Variants in WLS observed in about 807,000 individuals in gnomAD.
The protein encoded by WLS is Wnt ligand secretion mediator.
A neutral mutation model predicts 62.8 loss-of-function variants in WLS; 23 were observed. The ratio of observed to expected loss-of-function variants is 0.37; its 90% CI spans 0.26 to 0.52. WLS has a LOEUF of 0.52. Ranked by LOEUF, WLS falls within the 20% of genes least tolerant of loss-of-function variation. WLS has a pLI of 0.92. For missense variants in WLS, 615 were observed against 697.3 expected, an observed-to-expected ratio of 0.88 and a Z score of 1.33; for synonymous variants, 246 against 244.1, an observed-to-expected ratio of 1.01 and a Z score of -0.07.
At chr1:68,178,791 C>G (rs997325454) in intron 2 of WLS, among the ~76,000 whole-genome samples, 3 of 151,658 alleles carry the variant, frequency 2.0e-5, no homozygotes, top group Non-Finnish European at 2.9e-5. Context: ...AGAATAAGGA[C>G]TTATCTTTAT....
intron 11 of WLS, among the ~76,000 whole-genome samples, chr1:68,110,151 G>T (rs1001385646): frequency 2.6e-5 from 4 of 151,250 alleles, no homozygotes; most frequent in Non-Finnish European, 4.4e-5. Flanking sequence ...AAAAGTGAAG[G>T]TATAAATATG....
At chr1:68,174,581 G>T (rs993918251) in intron 2 of WLS, among the ~76,000 whole-genome samples, 4 of 152,192 alleles carry the variant, frequency 2.6e-5, no homozygotes, top group African/African-American at 7.2e-5. Flanking sequence ...AGCTGCGGAA[G>T]AACTCTGCTG....
chr1:68,177,810 T>C (rs1307925416), intron 2 of WLS, among the ~76,000 whole-genome samples: 1 of 152,184 alleles, frequency 6.6e-6, no homozygotes. Flanking sequence ...TCACTTATAT[T>C]GAGCATTTAC....
At chr1:68,135,442 A>G (rs1646594482) in intron 11 of WLS, among the ~76,000 whole-genome samples, 1 of 150,270 alleles carries the variant, frequency 6.7e-6, no homozygotes, top group African/African-American at 2.5e-5. Context: ...GAGCCATTGC[A>G]CCCAGGCTAA....
chr1:68,130,376 A>T (rs1646501007), intron 11 of WLS, among the ~76,000 whole-genome samples: 2 of 152,220 alleles, frequency 1.3e-5, no homozygotes, highest in Non-Finnish European at 2.9e-5. Flanking sequence ...GGGAGCTCCC[A>T]TACCATGAGT....
intron 1 of WLS, among the ~76,000 whole-genome samples, chr1:68,206,258 G>C (rs1201660730): frequency 6.6e-6 from 1 of 152,212 alleles, no homozygotes; most frequent in Non-Finnish European, 1.5e-5. Flanking sequence ...GGGGGGTTTA[G>C]TATGGAGGGT....
intron 11 of WLS, among the ~76,000 whole-genome samples, chr1:68,136,979 G>A (rs958621263): frequency 2.0e-5 from 3 of 152,212 alleles, no homozygotes; most frequent in Non-Finnish European, 4.4e-5. Context: ...TAAAGCAGGT[G>A]TAAAAAGAGA....
chr1:68,162,768 G>A (rs112904026), intron 2 of WLS: 11 of 1,092,056 alleles, frequency 1.0e-5, no homozygotes, highest in African/African-American at 9.2e-5. Flanking sequence ...CCACGTTATC[G>A]TAGCCACTGC....
chr1:68,106,984 T>C (rs1646156372), intron 11 of WLS, among the ~76,000 whole-genome samples: 1 of 152,208 alleles, frequency 6.6e-6, no homozygotes, highest in South Asian at 2.1e-4. Flanking sequence ...ATTCCAATGT[T>C]TTCTGCTTTT....
intron 2 of WLS, among the ~76,000 whole-genome samples, chr1:68,182,461 C>A (rs1647641617): frequency 6.6e-6 from 1 of 152,224 alleles, no homozygotes; most frequent in South Asian, 2.1e-4. Flanking sequence ...AAACAAACAT[C>A]ATGTCCCTAA....
At chr1:68,172,632 G>A (rs966187335) in intron 2 of WLS, among the ~76,000 whole-genome samples, 3 of 152,122 alleles carry the variant, frequency 2.0e-5, no homozygotes, top group Non-Finnish European at 2.9e-5. Context: ...AAGATCAAGA[G>A]TTCTGAGTAG....
chr1:68,182,473 C>G (rs1435919757), intron 2 of WLS, among the ~76,000 whole-genome samples: 1 of 152,238 alleles, frequency 6.6e-6, no homozygotes, highest in Non-Finnish European at 1.5e-5. Context: ...TGTCCCTAAT[C>G]TTCTCTATCC....
intron 2 of WLS, among the ~76,000 whole-genome samples, chr1:68,183,247 A>G (rs1647693618): frequency 6.6e-6 from 1 of 152,184 alleles, no homozygotes; most frequent in Non-Finnish European, 1.5e-5. Context: ...TAAAGAAGAC[A>G]TGGTCGTAAA....
At chr1:68,205,663 T>C (rs1056076266) in intron 1 of WLS, among the ~76,000 whole-genome samples, 1 of 152,224 alleles carries the variant, frequency 6.6e-6, no homozygotes, top group Non-Finnish European at 1.5e-5. Context: ...AAATGTGTCT[T>C]CTTAAGAACA....
At chr1:68,137,973 AG>A in intron 10 of WLS, 40 bp from the exon 11 acceptor site, 2 of 1,608,618 alleles carry the variant, frequency 1.2e-6, no homozygotes, top group Non-Finnish European at 1.7e-6. Context: ...GAAACAGAGA[AG>A]AAACAGAAGA....
At chr1:68,176,298 A>G (rs533931945) in intron 2 of WLS, 4 of 152,354 alleles carry the variant, frequency 2.6e-5, no homozygotes, top group African/African-American at 9.6e-5. Context: ...GCTGAAAAGC[A>G]AAAGGGAGTC....
chr1:68,211,708 C>G (rs1444381046), intron 1 of WLS, among the ~76,000 whole-genome samples: 1 of 152,202 alleles, frequency 6.6e-6, no homozygotes, highest in Non-Finnish European at 1.5e-5. Flanking sequence ...ATCTCTTCCC[C>G]ATTTCTCACC....
At chr1:68,228,330 A>G (rs1261855930) in intron 1 of WLS, 2 of 376,358 alleles carry the variant, frequency 5.3e-6, no homozygotes, top group Non-Finnish European at 1.0e-5. Context: ...AAGAGCTGAG[A>G]ACAGTGACCT....
At chr1:68,115,587 G>T (rs893646206) in intron 11 of WLS, among the ~76,000 whole-genome samples, 1 of 152,142 alleles carries the variant, frequency 6.6e-6, no homozygotes, top group Non-Finnish European at 1.5e-5. Flanking sequence ...ATAAATGAAA[G>T]TACCTATATC....
Sources: gnomAD v4.1 joint callset for allele counts (sites outside exome capture counted in the v4.1 genomes callset) on GRCh38, gnomAD v4.1.1 for gene constraint, MANE v1.5 for transcripts, NCBI Gene and HGNC (gene_info 2026-07-23, HGNC 2026-07-21) for gene names.